ZC3H8: variants seen among roughly 807,000 people sequenced by gnomAD.
ZC3H8 encodes zinc finger CCCH-type containing 8.
Under a neutral mutation model 42.5 loss-of-function variants are expected in ZC3H8, and 27 were observed. The observed-to-expected ratio is 0.64, with a 90% CI of 0.47 to 0.88. The LOEUF (loss-of-function observed/expected upper bound fraction) is 0.88, where lower values mean the gene tolerates loss of function less well. ZC3H8 is among the 40% of genes least tolerant of loss of function. The pLI is 0.00. For synonymous variants in ZC3H8, 101 were observed against 110.1 expected, an observed-to-expected ratio of 0.92 and a Z score of 0.52; for missense variants, 277 against 336.1, an observed-to-expected ratio of 0.82 and a Z score of 1.37.
chr2:112,231,024 A>G (rs975342394), intron 7 of ZC3H8, 74 bp from the exon 8 acceptor site: 11 of 933,480 alleles, frequency 1.2e-5, no homozygotes, highest in Middle Eastern at 3.9e-4. Context: ...CATATTCATA[A>G]CTTTCAAATG....
intron 3 of ZC3H8, among the ~76,000 whole-genome samples, 199 bp downstream of exon 3, chr2:112,238,116 A>G (rs1368253295): frequency 6.6e-6 from 1 of 152,074 alleles, no homozygotes; most frequent in Admixed American, 6.5e-5. Context: ...TCCCTCTACA[A>G]ACTAAGCATT....
chr2:112,228,335 C>G (rs1374353645), intron 8 of ZC3H8, among the ~76,000 whole-genome samples: 1 of 152,006 alleles, frequency 6.6e-6, no homozygotes, highest in East Asian at 1.9e-4. Context: ...AAGCCTGTCT[C>G]TACTAAAAAT....
At chr2:112,219,026 C>G (rs1684464885) in intron 8 of ZC3H8, among the ~76,000 whole-genome samples, 1 of 152,126 alleles carries the variant, frequency 6.6e-6, no homozygotes, top group Admixed American at 6.5e-5. Context: ...TATTACTACC[C>G]AAAGCAATCT....
rs572782219 is a variant in ZC3H8, at chr2:112,254,550, C to T, written c.74+358G>A. On this transcript the variant is annotated intron_variant, in intron 1 of 8. Coordinates refer to ENST00000409573, the MANE Select transcript of ZC3H8 (RefSeq NM_032494.3). ...GAGTTTACGGTCTCGTGGAAACAGG[C>T]AACAACGGTAAAGACAGACGCTACG... Among the ~76,000 whole-genome samples, 16 of 152,338 alleles carry T rather than the reference C, an allele frequency of 1.1e-4. No individual in the cohort carries two copies. The South Asian group carries it at 3.3e-3, about 32-fold the overall frequency.
rs1348730706 is a variant in ZC3H8 at position 112,212,880 on chromosome 2, T to C, written c.*3604A>G. On this transcript the variant is annotated 3_prime_UTR_variant, in exon 9 of 9. Transcript: ENST00000409573. ...CCAAATGTGATGTCTTTGCTTATAA[T>C]TGGCAGGAGGAGCCCCATGCTCTTT... The C allele has an allele frequency of 2.0e-5, 3 of 151,926 alleles. No individual in the cohort carries two copies. The highest frequency in any genetic ancestry group is 4.4e-5 in the Non-Finnish European group (3 of 67,980). 9.4% of individuals were successfully genotyped at this position (151,926 alleles called of 1,614,324 possible).
chr2:112,223,845 A>C (rs1173515984), intron 8 of ZC3H8, among the ~76,000 whole-genome samples: 2 of 152,238 alleles, frequency 1.3e-5, no homozygotes, highest in Non-Finnish European at 2.9e-5. Context: ...ACAAATAATC[A>C]ATATAAGGAA....
intron 1 of ZC3H8, among the ~76,000 whole-genome samples, chr2:112,252,757 T>C (rs1685993761): frequency 6.6e-6 from 1 of 152,052 alleles, no homozygotes; most frequent in Non-Finnish European, 1.5e-5. Context: ...CTCTGGACTA[T>C]GAAACCCCCT....
chr2:112,243,109 G>A (rs1318948672), intron 2 of ZC3H8, among the ~76,000 whole-genome samples: 1 of 152,222 alleles, frequency 6.6e-6, no homozygotes, highest in African/African-American at 2.4e-5. Context: ...GTTCACAGGT[G>A]TTACTGACAC....
chr2:112,213,054 C>G lies in ZC3H8; in HGVS notation c.*3430G>C, dbSNP rs146591614. On this transcript the variant is annotated 3_prime_UTR_variant, in exon 9 of 9. Transcript: ENST00000409573. ...GCACAATCAGGACTCACTGCAACCT[C>G]GAATTCATGGGCTCCAGTGATCCTC... The G allele has an allele frequency of 6.7e-6, 1 of 149,368 alleles. No homozygotes were observed. Among genetic ancestry groups the G allele is most frequent in the Non-Finnish European group, 1.5e-5 (1 of 67,628 alleles). The allele number at this position is 149,368 out of a possible 1,614,324, so 9.3% of individuals were successfully genotyped here.
At chr2:112,225,160 A>G (rs1457333493) in intron 8 of ZC3H8, among the ~76,000 whole-genome samples, 1 of 152,142 alleles carries the variant, frequency 6.6e-6, no homozygotes, top group Non-Finnish European at 1.5e-5. Context: ...TATTAACTCT[A>G]GTAGGTTTTA....
rs576348115 is a variant in ZC3H8, at chr2:112,236,726, C to T, written c.371-31G>A. ...AACAAAAAATTAATTTAAAAAATGA[C>T]ATAAAGTTACAATAGCAGTTTACTT... On this transcript the variant is annotated intron_variant, in intron 3 of 8. Coordinates refer to ENST00000409573, the MANE Select transcript of ZC3H8 (RefSeq NM_032494.3). The T allele has an allele frequency of 1.9e-6, 3 of 1,554,634 alleles. No individual in the cohort carries two copies. In the South Asian group the frequency reaches 3.5e-5, roughly 18 times the overall value.
chr2:112,237,035 T>C (rs1490050646), intron 3 of ZC3H8, among the ~76,000 whole-genome samples: 1 of 152,208 alleles, frequency 6.6e-6, no homozygotes, highest in Non-Finnish European at 1.5e-5. Flanking sequence ...CACTCCAGCC[T>C]GGGCAACAGA....
chr2:112,238,948 A>T (rs1685467296), intron 2 of ZC3H8, among the ~76,000 whole-genome samples: 1 of 152,238 alleles, frequency 6.6e-6, no homozygotes, highest in Admixed American at 6.5e-5. Flanking sequence ...TCATTTTGTA[A>T]AACACCCCAA....
At chr2:112,223,194 A>AC (rs1684667144) in intron 8 of ZC3H8, among the ~76,000 whole-genome samples, 2 of 152,180 alleles carry the variant, frequency 1.3e-5, no homozygotes, top group Non-Finnish European at 2.9e-5. Flanking sequence ...CCAACATGGC[A>AC]CATGTATACA....
At chr2:112,244,967 T>C (rs1685706195) in intron 2 of ZC3H8, among the ~76,000 whole-genome samples, 1 of 152,188 alleles carries the variant, frequency 6.6e-6, no homozygotes, top group African/African-American at 2.4e-5. Context: ...ATGTCTCTAC[T>C]GAAATCAAAA....
rs1211624620 is a variant in ZC3H8 at position 112,211,780 on chromosome 2, C to T, written c.*4704G>A. The T allele has an allele frequency of 6.6e-6, 1 of 151,768 alleles. No homozygotes were observed. The highest frequency in any genetic ancestry group is 2.4e-5 in the African/African-American group (1 of 41,250). The allele number at this position is 151,768 out of a possible 1,614,324, so 9.4% of individuals were successfully genotyped here. A position where few individuals can be genotyped will look rare whatever the true frequency, so the allele number is the denominator to read the frequency against. On this transcript the variant is annotated 3_prime_UTR_variant, in exon 9 of 9. Transcript: ENST00000409573. ...TTTTTTTTCTTTCATGCCTCCAAGACAAGTTCGAATTTAGTTTATTTTTAA... is the reference window on the plus strand; with the variant it reads ...TTTTTTTTCTTTCATGCCTCCAAGATAAGTTCGAATTTAGTTTATTTTTAA...
At chr2:112,254,798 C>A in intron 1 of ZC3H8, 110 bp downstream of exon 1, 2 of 1,337,526 alleles carry the variant, frequency 1.5e-6, no homozygotes, top group East Asian at 2.5e-5. Context: ...CCCACGGGCC[C>A]TCGCGACGCG....
At chr2:112,254,761 G>T in intron 1 of ZC3H8, 147 bp downstream of exon 1, 1 of 898,466 alleles carries the variant, frequency 1.1e-6, no homozygotes, top group Non-Finnish European at 1.7e-6. Context: ...TAGGTCAGAC[G>T]GTGGCGCCCG....
intron 8 of ZC3H8, among the ~76,000 whole-genome samples, chr2:112,219,065 C>G (rs914604174): frequency 3.9e-5 from 6 of 152,108 alleles, no homozygotes; most frequent in Non-Finnish European, 8.8e-5. Context: ...CTATCAAATT[C>G]AAATTGATGT....
Sources: allele counts gnomAD v4.1 joint callset (sites outside exome capture counted in the v4.1 genomes callset), GRCh38; gene constraint gnomAD v4.1.1; transcripts MANE v1.5; gene names NCBI Gene and HGNC (gene_info 2026-07-23, HGNC 2026-07-21).